DSC3: variants seen among roughly 807,000 people sequenced by gnomAD.
The protein encoded by DSC3 is desmocollin-3.
In DSC3, 97 loss-of-function variants were observed where a neutral mutation model predicts 89.5. The ratio of observed to expected loss-of-function variants is 1.08; its 90% CI spans 0.92 to 1.28. The LOEUF (loss-of-function observed/expected upper bound fraction) is 1.28. Among genes scored for constraint, DSC3 ranks in the 50% most tolerant of loss-of-function variants. DSC3 has a pLI of 0.00. For synonymous variants in DSC3, 436 were observed against 384.1 expected (o/e 1.14, Z -1.58); for missense variants, 1,199 against 1,085.3 (o/e 1.10, Z -1.47).
At chr18:31,005,144 G>A (rs191371770) in intron 12 of DSC3, among the ~76,000 whole-genome samples, 13 of 152,268 alleles carry the variant, frequency 8.5e-5, no homozygotes, top group Admixed American at 4.6e-4. Context: ...GTAGCTGTAA[G>A]AATTTCAAAG....
rs1184910001 is a variant in DSC3 at position 31,029,520 on chromosome 18, A to C, written c.463T>G (p.Phe155Val). Residue 155 changes from phenylalanine to valine, a missense_variant, in exon 4 of 16, where the codon TTT becomes GTT. Transcript: ENST00000360428. ...QENSLGPFPL[F>V]LQQVESDAAQ... ...AGGTGTAAACCTACTTGTTGAAGAA[A>C]CAATGGGAAAGGGCCCAAGGAATTC... 6.2e-7 allele frequency: 1 copy of C among 1,613,868 alleles called. No individual in the cohort carries two copies.
intron 12 of DSC3, among the ~76,000 whole-genome samples, chr18:31,005,735 A>G (rs1984816026): frequency 1.3e-5 from 2 of 152,204 alleles, no homozygotes; most frequent in South Asian, 4.1e-4. Flanking sequence ...ATTCTAGGAA[A>G]CTCATGTATT....
Position 31,008,770 on chromosome 18 carries a change from C to T in DSC3, c.1264-245G>A, listed in dbSNP as rs1313588. Among the ~76,000 whole-genome samples, 64,017 of 151,932 alleles carry T rather than the reference C, an allele frequency of 0.42. 14,858 individuals carry two copies. The highest frequency in any genetic ancestry group is 0.74 in the East Asian group (3,820 of 5,138). Reference sequence around the variant, plus strand: ...ACAAACGAAATTCCGGAAATATTTTCATATTTCACTCTTACTAAGGAAAAT... The same window carrying T: ...ACAAACGAAATTCCGGAAATATTTTTATATTTCACTCTTACTAAGGAAAAT... On this transcript the variant is annotated intron_variant, in intron 9 of 15. Transcript: ENST00000360428.
intron 12 of DSC3, among the ~76,000 whole-genome samples, chr18:31,004,751 T>G (rs1174915237): frequency 6.6e-6 from 1 of 152,198 alleles, no homozygotes; most frequent in Admixed American, 6.5e-5. Flanking sequence ...TCCATTGACC[T>G]TCTAGTATTT....
intron 6 of DSC3, 105 bp downstream of exon 6, chr18:31,024,244 G>C: frequency 9.2e-7 from 1 of 1,086,038 alleles, no homozygotes; most frequent in Non-Finnish European, 1.3e-6. Flanking sequence ...CTAGTTCAGC[G>C]TTATCTCAGG....
chr18:31,001,800 C>G, intron 13 of DSC3, 61 bp from the exon 14 acceptor site: 1 of 1,321,364 alleles, frequency 7.6e-7, no homozygotes, highest in Non-Finnish European at 1.0e-6. Context: ...AAATAATCAT[C>G]ATTTATTTCT....
intron 1 of DSC3, among the ~76,000 whole-genome samples, chr18:31,037,084 C>T (rs898571422): frequency 6.6e-6 from 1 of 152,124 alleles, no homozygotes; most frequent in Admixed American, 6.6e-5. Flanking sequence ...AGCCACCGCA[C>T]TCGGCCGAAT....
chr18:31,015,342 G>A (rs1287578878), intron 9 of DSC3, among the ~76,000 whole-genome samples: 1 of 152,102 alleles, frequency 6.6e-6, no homozygotes, highest in African/African-American at 2.4e-5. Context: ...CACATGGAAT[G>A]AGAAATATTC....
intron 15 of DSC3, 46 bp downstream of exon 15, chr18:30,996,745 A>T: frequency 6.2e-7 from 1 of 1,609,282 alleles, no homozygotes; most frequent in Non-Finnish European, 8.5e-7. Context: ...ATTTTTCTCC[A>T]TTCGGAGGTT....
intron 6 of DSC3, among the ~76,000 whole-genome samples, chr18:31,023,222 A>C (rs1985484132): frequency 6.6e-6 from 1 of 152,204 alleles, no homozygotes; most frequent in Non-Finnish European, 1.5e-5. Context: ...AAGGCAATAT[A>C]ATGTCAATGT....
chr18:31,023,252 G>T (rs1001519914), intron 6 of DSC3, among the ~76,000 whole-genome samples: 1 of 152,058 alleles, frequency 6.6e-6, no homozygotes, highest in African/African-American at 2.4e-5. Flanking sequence ...GAATTGTGAG[G>T]CTAAAAACAT....
chr18:31,020,937 C>G lies in DSC3; in HGVS notation c.942+1399G>C, dbSNP rs1985397509. 2.6e-5 allele frequency among the ~76,000 whole-genome samples: 4 copies of G among 151,946 alleles called. No individual in the cohort carries two copies. In the South Asian group the frequency reaches 8.3e-4, roughly 31 times the overall value. ...AGCCTGGGCAAGAGAGCGAGACCCT[C>G]TCTCAAAAAAAGAAAAAAATACAAA... On this transcript the variant is annotated intron_variant, in intron 7 of 15. Coordinates refer to ENST00000360428, the MANE Select transcript of DSC3 (RefSeq NM_001941.5).
In DSC3 at chr18:31,025,934, T is replaced by C. The variant is rs1985585091; in HGVS notation, c.475-19A>G. 1 of 1,602,662 alleles carries C rather than the reference T, an allele frequency of 6.2e-7. No individual in the cohort carries two copies. The highest frequency in any genetic ancestry group is 1.4e-5 in the African/African-American group (1 of 73,380). The stretch of plus-strand genomic sequence containing the variant: ...ATTCAACCTAAAAGTAGAAAAAAAA[T>C]ATGCAAAAAAATTAAAACTAAATTC... On this transcript the variant is annotated intron_variant, in intron 4 of 15. Transcript: ENST00000360428.
At position 31,031,186 on chromosome 18, in the gene DSC3, T is replaced by G. The variant is rs1231552605; in HGVS notation, c.155-14A>C. 2 of 1,597,640 alleles carry G rather than the reference T, an allele frequency of 1.3e-6. No homozygotes were observed. Among genetic ancestry groups the G allele is most frequent in the African/African-American group, 2.7e-5 (2 of 74,440 alleles). ...CTTCCAAATTAACTGCAAGTAAAAA[T>G]TTCCAAGTTGTAAGGTAAAAACACA... On this transcript the variant is annotated splice_polypyrimidine_tract_variant and intron_variant, in intron 2 of 15. Coordinates refer to ENST00000360428, the MANE Select transcript of DSC3 (RefSeq NM_001941.5).
At chr18:31,017,974 C>T (rs1985288972) in intron 9 of DSC3, 97 bp downstream of exon 9, 1 of 1,046,582 alleles carries the variant, frequency 9.6e-7, no homozygotes, top group East Asian at 2.4e-5. Context: ...TTTCTTCCAA[C>T]TTGTAGAGTC....
At chr18:30,998,103 T>C (rs1984537613) in intron 14 of DSC3, among the ~76,000 whole-genome samples, 1 of 152,192 alleles carries the variant, frequency 6.6e-6, no homozygotes, top group Admixed American at 6.5e-5. Flanking sequence ...AAAAATATCA[T>C]TCTAGGCAAT....
At chr18:31,008,222 A>T in intron 10 of DSC3, 47 bp downstream of exon 10, 1 of 1,610,722 alleles carries the variant, frequency 6.2e-7, no homozygotes, top group Non-Finnish European at 8.5e-7. Flanking sequence ...TACTATCTCA[A>T]TGATTACAAA....
At chr18:30,994,904 A>C (rs764811581) in intron 15 of DSC3, among the ~76,000 whole-genome samples, 1 of 152,236 alleles carries the variant, frequency 6.6e-6, no homozygotes, top group African/African-American at 2.4e-5. Context: ...TAAAGGTACA[A>C]TACATGTTAA....
rs753949425 is a variant in DSC3, at chr18:31,004,274, T to C, written c.1981A>G (p.Thr661Ala). Residue 661 changes from threonine (T) to alanine (A), a missense_variant, in exon 13 of 16, where the codon ACA (threonine) becomes GCA (alanine). By Grantham distance (58) the Thr-to-Ala change is moderately conservative (BLOSUM62 0). Coordinates refer to ENST00000360428, the MANE Select transcript of DSC3 (RefSeq NM_001941.5). ...CACAGATTAACTCTCAATAATTTTG[T>C]TGCAGCTTGGCCGGCCCTGTCTTTT... ...TVKDRAGQAA[T>A]KLLRVNLCEC... is the part of the protein sequence containing the mutation. 1.9e-5 allele frequency: 31 copies of C among 1,613,938 alleles called. No homozygotes were observed. The highest frequency in any genetic ancestry group is 4.4e-5 in the South Asian group (4 of 91,080).
Sources: allele counts gnomAD v4.1 joint callset (sites outside exome capture counted in the v4.1 genomes callset), GRCh38; gene constraint gnomAD v4.1.1; transcripts MANE v1.5; gene names NCBI Gene and HGNC (gene_info 2026-07-23, HGNC 2026-07-21).